The following ACBD6 variants were observed in gnomAD, a reference collection of about 807,000 sequenced individuals.
The protein encoded by ACBD6 is acyl-CoA-binding domain-containing protein 6.
In ACBD6, 28 loss-of-function variants were observed where a neutral mutation model predicts 37.2. That is an observed-to-expected ratio of 0.75 (90% confidence interval 0.56 to 1.03). The LOEUF is 1.03. Ranked by LOEUF, ACBD6 falls within the 50% of genes least tolerant of loss-of-function variation. The pLI, the probability that ACBD6 is intolerant of heterozygous loss-of-function variation, is 0.00. For synonymous variants in ACBD6, 113 were observed against 126.8 expected (o/e 0.89, Z 0.73); for missense variants, 340 against 337.4 (o/e 1.01, Z -0.06).
intron 3 of ACBD6, among the ~76,000 whole-genome samples, chr1:180,474,808 C>T (rs1650718889): frequency 6.6e-6 from 1 of 152,112 alleles, no homozygotes; most frequent in Non-Finnish European, 1.5e-5. Flanking sequence ...AAAAAATATC[C>T]TCCTTCACTG....
intron 3 of ACBD6, among the ~76,000 whole-genome samples, chr1:180,462,944 AC>A (rs1219935950): frequency 2.0e-5 from 3 of 152,334 alleles, no homozygotes; most frequent in African/African-American, 7.2e-5. Context: ...CCATACAATT[AC>A]ATGGAAATTA....
intron 3 of ACBD6, among the ~76,000 whole-genome samples, chr1:180,476,377 G>A (rs12143350): frequency 0.49 from 73,917 of 151,988 alleles, 20,774 homozygotes; most frequent in South Asian, 0.66. Flanking sequence ...TGGAACACTA[G>A]GCATAAATGG....
At chr1:180,471,968 C>T (rs1209650226) in intron 3 of ACBD6, among the ~76,000 whole-genome samples, 4 of 152,178 alleles carry the variant, frequency 2.6e-5, no homozygotes, top group Admixed American at 2.0e-4. Flanking sequence ...TGAGTTTCCT[C>T]AAAAATCTCT....
At chr1:180,415,970 G>A (rs1174864960) in intron 4 of ACBD6, among the ~76,000 whole-genome samples, 1 of 152,078 alleles carries the variant, frequency 6.6e-6, no homozygotes, top group East Asian at 1.9e-4. Flanking sequence ...CACCAAATAT[G>A]CTAGGCACAG....
At chr1:180,478,441 G>T (rs1002325624) in intron 3 of ACBD6, among the ~76,000 whole-genome samples, 3 of 151,134 alleles carry the variant, frequency 2.0e-5, no homozygotes, top group African/African-American at 7.3e-5. Flanking sequence ...AGGAATTTTG[G>T]ACTTTCTGCC....
intron 6 of ACBD6, among the ~76,000 whole-genome samples, chr1:180,318,175 C>CCCAAA (rs10632390): frequency 9.7e-6 from 1 of 102,750 alleles, no homozygotes; most frequent in Non-Finnish European, 2.1e-5. Context: ...CCCCCCCCCC[C>CCCAAA]AAAAAAAAAA....
chr1:180,316,932 T>A (rs1650836663), intron 6 of ACBD6, among the ~76,000 whole-genome samples: 1 of 152,196 alleles, frequency 6.6e-6, no homozygotes, highest in South Asian at 2.1e-4. Flanking sequence ...ATGTGGGTGC[T>A]ATTTTAGATA....
chr1:180,348,617 G>C (rs552368193), intron 6 of ACBD6, among the ~76,000 whole-genome samples: 2 of 152,296 alleles, frequency 1.3e-5, no homozygotes, highest in South Asian at 4.1e-4. Context: ...ACCAAGGATT[G>C]GTAGGTGTTA....
chr1:180,318,166 C>CG (rs774078679), intron 6 of ACBD6, among the ~76,000 whole-genome samples: 1,323 of 77,726 alleles, frequency 0.017, 97 homozygotes, highest in Non-Finnish European at 0.024. Context: ...CATCTCCGCC[C>CG]CCCCCCCCCA....
intron 6 of ACBD6, among the ~76,000 whole-genome samples, chr1:180,366,843 C>T (rs1445581693): frequency 6.6e-6 from 1 of 151,958 alleles, no homozygotes; most frequent in Non-Finnish European, 1.5e-5. Flanking sequence ...AAAATGCATC[C>T]GATAGCTATG....
chr1:180,375,464 G>T (rs956939488), intron 6 of ACBD6, among the ~76,000 whole-genome samples: 6 of 152,032 alleles, frequency 3.9e-5, no homozygotes, highest in Non-Finnish European at 2.9e-5. Flanking sequence ...TAGCTGGGAC[G>T]AGAGGTGCAC....
chr1:180,296,329 T>C (rs1282096894), intron 7 of ACBD6, among the ~76,000 whole-genome samples: 2 of 152,220 alleles, frequency 1.3e-5, no homozygotes, highest in African/African-American at 2.4e-5. Context: ...AAGTGCAAGG[T>C]AAAGCAGTAA....
At chr1:180,460,546 C>T (rs1289987093) in intron 3 of ACBD6, among the ~76,000 whole-genome samples, 1 of 151,222 alleles carries the variant, frequency 6.6e-6, no homozygotes, top group Admixed American at 6.6e-5. Flanking sequence ...TCTGTACCCT[C>T]CCTGGGATGG....
chr1:180,475,086 GAAT>G (rs1650726932), intron 3 of ACBD6, among the ~76,000 whole-genome samples: 1 of 152,180 alleles, frequency 6.6e-6, no homozygotes, highest in Admixed American at 6.5e-5. Context: ...TCAAGAAATA[GAAT>G]ATTACCAGCA....
rs80257307 is a variant in ACBD6 at position 180,340,817 on chromosome 1, T to C, written c.664-26095A>G. Among the ~76,000 whole-genome samples, 1,186 of 152,118 alleles carry C rather than the reference T, an allele frequency of 7.8e-3. 17 individuals carry two copies. The highest frequency in any genetic ancestry group is 0.026 in the African/African-American group (1,097 of 41,502). On this transcript the variant is annotated intron_variant, in intron 6 of 7. Transcript: ENST00000367595. ...GATGCAGGTAAGTCAGTAGATATGG[T>C]AGTGAGAATTTGCGGAAGTTCTTTT...
At chr1:180,317,905 G>C (rs775521938) in intron 6 of ACBD6, among the ~76,000 whole-genome samples, 1 of 152,106 alleles carries the variant, frequency 6.6e-6, no homozygotes, top group Non-Finnish European at 1.5e-5. Context: ...GGCCTGGAGC[G>C]GTGGCTCATG....
At chr1:180,334,513 G>A (rs1466060204) in intron 6 of ACBD6, among the ~76,000 whole-genome samples, 3 of 152,042 alleles carry the variant, frequency 2.0e-5, no homozygotes, top group South Asian at 2.1e-4. Flanking sequence ...CCATCTGTAC[G>A]TCACCATCAT....
At chr1:180,336,938 C>T (rs1040742366) in intron 6 of ACBD6, among the ~76,000 whole-genome samples, 6 of 152,126 alleles carry the variant, frequency 3.9e-5, no homozygotes, top group Admixed American at 6.5e-5. Flanking sequence ...CACATACACC[C>T]TCCCAAGACT....
chr1:180,405,549 G>T (rs10798761), intron 5 of ACBD6, among the ~76,000 whole-genome samples: 118,724 of 152,064 alleles, frequency 0.78, 47,429 homozygotes, highest in Non-Finnish European at 0.88. Flanking sequence ...TGATAAACAG[G>T]TGCACTGGAT....
Sources: gnomAD v4.1 joint callset for allele counts (sites outside exome capture counted in the v4.1 genomes callset) on GRCh38, gnomAD v4.1.1 for gene constraint, MANE v1.5 for transcripts, NCBI Gene and HGNC (gene_info 2026-07-23, HGNC 2026-07-21) for gene names.